Variants in SYTL3 observed in about 807,000 individuals in gnomAD.
SYTL3 encodes synaptotagmin like 3.
A neutral mutation model predicts 82.1 loss-of-function variants in SYTL3; 88 were observed. That is an observed-to-expected ratio of 1.07 (90% CI 0.90 to 1.28). SYTL3 has a LOEUF of 1.28. Among genes scored for constraint, SYTL3 ranks in the 50% most tolerant of loss-of-function variants. The pLI is 0.00. For synonymous variants in SYTL3, 311 were observed against 289.4 expected, an observed-to-expected ratio of 1.07 and a Z score of -0.76; for missense variants, 831 against 757.6, an observed-to-expected ratio of 1.10 and a Z score of -1.14.
intron 4 of SYTL3, 21 bp from the exon 5 acceptor site, chr6:158,665,374 C>A (rs1372630584): frequency 6.4e-7 from 1 of 1,558,576 alleles, no homozygotes; most frequent in Non-Finnish European, 8.7e-7. Flanking sequence ...ATACTATCTT[C>A]TTTAACTCTG....
intron 9 of SYTL3, 103 bp downstream of exon 9, chr6:158,713,981 C>A (rs897951594): frequency 2.5e-6 from 2 of 810,222 alleles, no homozygotes; most frequent in Admixed American, 2.0e-5. Context: ...GTCCCTCAGG[C>A]CACTCACTTT....
At chr6:158,675,273 C>A (rs1777896663) in intron 5 of SYTL3, among the ~76,000 whole-genome samples, 1 of 152,132 alleles carries the variant, frequency 6.6e-6, no homozygotes, top group Non-Finnish European at 1.5e-5. Flanking sequence ...AGGGGGGCAC[C>A]TGCCTTCTCT....
intron 6 of SYTL3, among the ~76,000 whole-genome samples, chr6:158,697,682 C>G (rs1235645148): frequency 1.5e-5 from 2 of 133,026 alleles, no homozygotes; most frequent in Admixed American, 7.3e-5. Flanking sequence ...ATAGAGAGCT[C>G]CTAGAGCCTA....
chr6:158,718,111 T>G lies in SYTL3; in HGVS notation c.620T>G (p.Met207Arg), dbSNP rs183489408. Reference protein sequence around the residue: ...VKKLSKSQNDMTSEKHLLATG... With the variant: ...VKKLSKSQNDRTSEKHLLATG... Reference sequence around the variant, plus strand: ...GAGCTCTCCAAATCCCAGAATGATATGACTTCTGAGAAGCATCTTCTCGCC... The same window carrying G: ...GAGCTCTCCAAATCCCAGAATGATAGGACTTCTGAGAAGCATCTTCTCGCC... The change falls in exon 10 of 18, where the codon ATG (methionine) becomes AGG (arginine). Residue 207 changes from methionine to arginine, a missense_variant. Transcript: ENST00000611299. 6.5e-7 allele frequency: 1 copy of G among 1,544,410 alleles called. No individual in the cohort carries two copies. Among genetic ancestry groups the G allele is most frequent in the African/African-American group, 1.4e-5 (1 of 72,676 alleles).
chr6:158,752,149 C>T (rs1562462576), intron 13 of SYTL3, 119 bp downstream of exon 13: 2 of 543,970 alleles, frequency 3.7e-6, no homozygotes, highest in Non-Finnish European at 6.3e-6. Context: ...AATACAGACA[C>T]CTATATGTTT....
chr6:158,712,300 G>A (rs895096272), intron 8 of SYTL3, among the ~76,000 whole-genome samples: 1 of 152,056 alleles, frequency 6.6e-6, no homozygotes, highest in Non-Finnish European at 1.5e-5. Flanking sequence ...CTTTCTAACC[G>A]AATCCACTCA....
chr6:158,695,828 T>C (rs1240245312), intron 6 of SYTL3, among the ~76,000 whole-genome samples: 1 of 152,250 alleles, frequency 6.6e-6, no homozygotes, highest in African/African-American at 2.4e-5. Context: ...TCCTCAGGGT[T>C]CATTCATGTT....
chr6:158,654,900 C>G (rs905097821), intron 2 of SYTL3, among the ~76,000 whole-genome samples: 1 of 152,056 alleles, frequency 6.6e-6, no homozygotes, highest in Non-Finnish European at 1.5e-5. Context: ...TTTTTAATTG[C>G]CAGATAAAAT....
chr6:158,698,814 G>A (rs1780841277), intron 6 of SYTL3, among the ~76,000 whole-genome samples: 1 of 115,678 alleles, frequency 8.6e-6, no homozygotes, highest in Non-Finnish European at 1.8e-5. Context: ...TTTCCTGGGG[G>A]TGGGCATAAG....
At chr6:158,709,191 T>G (rs35537479) in intron 8 of SYTL3, among the ~76,000 whole-genome samples, 2 of 151,956 alleles carry the variant, frequency 1.3e-5, no homozygotes, top group African/African-American at 4.8e-5. Flanking sequence ...CAAGTGCCAC[T>G]GCCCTCCAGC....
At chr6:158,698,539 T>G (rs1780812178) in intron 6 of SYTL3, among the ~76,000 whole-genome samples, 1 of 152,136 alleles carries the variant, frequency 6.6e-6, no homozygotes, top group Non-Finnish European at 1.5e-5. Context: ...TATAGATTGG[T>G]TTAAAACTGT....
rs552689192 is a variant in SYTL3 at position 158,721,306 on chromosome 6, C to T, written c.720+3095C>T. The stretch of plus-strand genomic sequence containing the variant: ...TCGTGGGTCACTGTAGTCTCGATCT[C>T]GAAGGCTTAAGTGATCCTCCCACCT... On this transcript the variant is annotated intron_variant, in intron 10 of 17. Coordinates refer to ENST00000611299, the MANE Select transcript of SYTL3 (RefSeq NM_001242394.2). Among the ~76,000 whole-genome samples the T allele has an allele frequency of 6.6e-5, 10 of 152,080 alleles. No homozygotes were observed. In the South Asian group the frequency reaches 1.5e-3, roughly 22 times the overall value.
At chr6:158,733,414 C>T (rs1562439689) in intron 11 of SYTL3, among the ~76,000 whole-genome samples, 1 of 152,082 alleles carries the variant, frequency 6.6e-6, no homozygotes, top group Non-Finnish European at 1.5e-5. Context: ...GCAAGCTCCG[C>T]CTCCCAGGTT....
intron 11 of SYTL3, among the ~76,000 whole-genome samples, chr6:158,730,251 C>G (rs1352913198): frequency 6.6e-6 from 1 of 152,198 alleles, no homozygotes. Context: ...TGGCTCCAGC[C>G]AATGGAGACA....
intron 12 of SYTL3, among the ~76,000 whole-genome samples, chr6:158,750,699 G>A (rs1182734413): frequency 1.3e-5 from 2 of 152,034 alleles, no homozygotes; most frequent in Admixed American, 6.6e-5. Context: ...TAAATTTTTC[G>A]TGGAGATGAG....
upstream of SYTL3, among the ~76,000 whole-genome samples, chr6:158,645,945 C>T (rs916838848): frequency 3.3e-5 from 5 of 152,324 alleles, no homozygotes; most frequent in African/African-American, 1.2e-4. Context: ...TCCACCCCTG[C>T]ATCCTGTACA....
chr6:158,716,635 C>G (rs921072029), intron 9 of SYTL3, among the ~76,000 whole-genome samples: 5 of 152,170 alleles, frequency 3.3e-5, no homozygotes, highest in African/African-American at 1.2e-4. Flanking sequence ...AGCTGGACAC[C>G]CCAGCCGTTC....
intron 15 of SYTL3, among the ~76,000 whole-genome samples, chr6:158,761,228 C>CGTG (rs541343059): frequency 6.6e-6 from 1 of 150,978 alleles, no homozygotes; most frequent in Non-Finnish European, 1.5e-5. Flanking sequence ...CCTTCAATAA[C>CGTG]GTGGGGCGTG....
At chr6:158,761,990 C>A in intron 15 of SYTL3, 86 bp from the exon 16 acceptor site, 1 of 923,368 alleles carries the variant, frequency 1.1e-6, no homozygotes, top group Non-Finnish European at 1.7e-6. Flanking sequence ...GATTCTCTAG[C>A]TGAGCTCTCG....
Sources: gnomAD v4.1 joint callset for allele counts (sites outside exome capture counted in the v4.1 genomes callset) on GRCh38, gnomAD v4.1.1 for gene constraint, MANE v1.5 for transcripts, NCBI Gene and HGNC (gene_info 2026-07-23, HGNC 2026-07-21) for gene names.